The following ESR1 variants were observed in gnomAD, a reference collection of about 807,000 sequenced individuals.
ESR1 encodes estrogen receptor.
ESR1 carries 12 observed loss-of-function variants against 52.7 expected under a neutral mutation model. The observed-to-expected ratio is 0.23, with a 90% CI of 0.15 to 0.37. The LOEUF is 0.37. Ranked by LOEUF, ESR1 falls within the 10% of genes least tolerant of loss-of-function variation. The pLI is 1.00. For missense variants in ESR1, 584 were observed against 779.7 expected, an observed-to-expected ratio of 0.75 and a Z score of 2.99; for synonymous variants, 305 against 316.8, an observed-to-expected ratio of 0.96 and a Z score of 0.39.
chr6:151,872,273 T>C (rs533430726), intron 2 of ESR1, among the ~76,000 whole-genome samples: 4 of 152,342 alleles, frequency 2.6e-5, no homozygotes, highest in South Asian at 4.1e-4. Context: ...AATTGTTCCA[T>C]ACGACTTCTT....
chr6:152,021,789 C>T (rs2043677180), intron 5 of ESR1, among the ~76,000 whole-genome samples: 1 of 152,012 alleles, frequency 6.6e-6, no homozygotes, highest in African/African-American at 2.4e-5. Flanking sequence ...GTGGTTTCTC[C>T]CATACTCTTC....
chr6:151,965,050 C>T (rs1337677636), intron 4 of ESR1, among the ~76,000 whole-genome samples: 1 of 152,162 alleles, frequency 6.6e-6, no homozygotes, highest in African/African-American at 2.4e-5. Flanking sequence ...TCCTCTAAAA[C>T]CACTTCTTAG....
chr6:152,027,314 A>T (rs1396187585), intron 5 of ESR1, among the ~76,000 whole-genome samples: 3 of 146,640 alleles, frequency 2.0e-5, no homozygotes, highest in South Asian at 4.5e-4. Context: ...TAGAAGTTAT[A>T]ATACTTATAT....
intron 4 of ESR1, among the ~76,000 whole-genome samples, chr6:151,974,137 G>A (rs1403083700): frequency 1.3e-5 from 2 of 152,124 alleles, no homozygotes; most frequent in Non-Finnish European, 2.9e-5. Context: ...AATGTGCTAT[G>A]CCTGTTAGAT....
chr6:151,801,585 A>G (rs188644671), upstream of ESR1, among the ~76,000 whole-genome samples: 1 of 152,344 alleles, frequency 6.6e-6, no homozygotes, highest in East Asian at 1.9e-4. Flanking sequence ...CTTGGTCACA[A>G]ATCATGCATT....
chr6:151,809,175 C>G, intron 1 of ESR1: 2 of 453,668 alleles, frequency 4.4e-6, no homozygotes, highest in Non-Finnish European at 9.3e-6. Flanking sequence ...CCCGGAGTGG[C>G]GTGCGGGTCA....
At chr6:152,037,805 C>T (rs3020434) in intron 5 of ESR1, among the ~76,000 whole-genome samples, 23,079 of 152,012 alleles carry the variant, frequency 0.15, 1,812 homozygotes, top group South Asian at 0.2. Flanking sequence ...AGAGAGTGGC[C>T]GGAATCAAGA....
intron 4 of ESR1, among the ~76,000 whole-genome samples, chr6:151,991,597 T>A (rs1034047987): frequency 6.6e-6 from 1 of 151,670 alleles, no homozygotes; most frequent in Non-Finnish European, 1.5e-5. Context: ...GAAGAGAAAA[T>A]TTCACAGAGA....
intron 2 of ESR1, among the ~76,000 whole-genome samples, chr6:151,866,543 G>T (rs1269087625): frequency 6.6e-6 from 1 of 150,534 alleles, no homozygotes; most frequent in African/African-American, 2.5e-5. Context: ...TATTCTCATT[G>T]TTCAGCTCCC....
At chr6:151,691,320 C>T (rs1778922449) in intron 1 of ESR1, among the ~76,000 whole-genome samples, 1 of 152,164 alleles carries the variant, frequency 6.6e-6, no homozygotes, top group African/African-American at 2.4e-5. Flanking sequence ...GACTCCACCA[C>T]ATATAGCAGT....
chr6:152,063,006 C>T (rs2047669662), intron 6 of ESR1, among the ~76,000 whole-genome samples: 1 of 152,122 alleles, frequency 6.6e-6, no homozygotes, highest in Non-Finnish European at 1.5e-5. Flanking sequence ...GATTCATAGA[C>T]CCAGGGTTTT....
intron 2 of ESR1, among the ~76,000 whole-genome samples, chr6:151,774,180 A>C (rs1348364297): frequency 6.6e-6 from 1 of 152,214 alleles, no homozygotes; most frequent in Non-Finnish European, 1.5e-5. Context: ...CCATTTCACT[A>C]GTTTGTAAAA....
At chr6:151,822,065 T>C (rs1780646112) in intron 1 of ESR1, among the ~76,000 whole-genome samples, 1 of 152,158 alleles carries the variant, frequency 6.6e-6, no homozygotes, top group Non-Finnish European at 1.5e-5. Flanking sequence ...AATTTATAAC[T>C]AAACAAAACT....
intron 1 of ESR1, among the ~76,000 whole-genome samples, chr6:151,665,958 A>T (rs1022217916): frequency 6.6e-6 from 1 of 152,180 alleles, no homozygotes; most frequent in African/African-American, 2.4e-5. Context: ...ATTACATTTT[A>T]CTTGGGCAGG....
intron 2 of ESR1, among the ~76,000 whole-genome samples, chr6:151,721,884 G>T (rs1169196135): frequency 1.3e-5 from 2 of 152,208 alleles, no homozygotes; most frequent in East Asian, 3.8e-4. Flanking sequence ...TTGCATTGTA[G>T]TGGGTCCTCA....
At chr6:152,078,925 G>A (rs1171425942) in intron 6 of ESR1, among the ~76,000 whole-genome samples, 1 of 152,212 alleles carries the variant, frequency 6.6e-6, no homozygotes, top group Non-Finnish European at 1.5e-5. Context: ...GCGGGGAGGG[G>A]CGTCTGCCAT....
upstream of ESR1, among the ~76,000 whole-genome samples, chr6:151,800,080 A>G (rs1777086754): frequency 6.6e-6 from 1 of 152,224 alleles, no homozygotes; most frequent in South Asian, 2.1e-4. Context: ...ACATGTAAGT[A>G]AAAATGTCTA....
chr6:151,835,506 A>G (rs1195510220), intron 1 of ESR1, among the ~76,000 whole-genome samples: 1 of 152,234 alleles, frequency 6.6e-6, no homozygotes, highest in Non-Finnish European at 1.5e-5. Flanking sequence ...CTAGTGTCTA[A>G]CTAGATGTCA....
chr6:151,874,009 G>A (rs1403225070), intron 2 of ESR1, among the ~76,000 whole-genome samples: 10 of 152,008 alleles, frequency 6.6e-5, no homozygotes, highest in East Asian at 1.9e-4. Context: ...TTATTTTGTC[G>A]GACTCCTCCA....
Sources: gnomAD v4.1 joint callset for allele counts (sites outside exome capture counted in the v4.1 genomes callset) on GRCh38, gnomAD v4.1.1 for gene constraint, MANE v1.5 for transcripts, NCBI Gene and HGNC (gene_info 2026-07-23, HGNC 2026-07-21) for gene names.